The following MICAL3 variants were observed in gnomAD, a reference collection of about 807,000 sequenced individuals.
The protein encoded by MICAL3 is [F-actin]-monooxygenase MICAL3.
Under a neutral mutation model 207.4 loss-of-function variants are expected in MICAL3, and 62 were observed. The observed-to-expected ratio is 0.30, with a 90% confidence interval of 0.24 to 0.37. The LOEUF is 0.37. Among genes scored for constraint, MICAL3 ranks in the 10% least tolerant of loss-of-function variants. MICAL3 has a pLI of 1.00. For synonymous variants in MICAL3, 1,077 were observed against 1,069.3 expected (o/e 1.01, Z -0.14); for missense variants, 2,368 against 2,635.6 (o/e 0.90, Z 2.22).
chr22:17,998,654 C>T (rs73392443), intron 1 of MICAL3, among the ~76,000 whole-genome samples: 6,866 of 151,558 alleles, frequency 0.045, 502 homozygotes, highest in African/African-American at 0.16. Flanking sequence ...CTCCCAATTC[C>T]CGGTTAAGCA....
chr22:17,895,420 C>A lies in MICAL3; in HGVS notation c.1323-10G>T. 2 of 1,613,352 alleles carry A rather than the reference C, an allele frequency of 1.2e-6. No individual in the cohort carries two copies. The highest frequency in any genetic ancestry group is 1.7e-6 in the Non-Finnish European group (2 of 1,179,552). ...CCTGTAAATACTTTCCCTGCAATAA[C>A]ACAACAATATACTCAGAATCGGGAC... On this transcript the variant is annotated splice_polypyrimidine_tract_variant and intron_variant, in intron 9 of 31. Transcript: ENST00000441493.
chr22:18,022,930 T>C (rs1414860107), intron 1 of MICAL3, among the ~76,000 whole-genome samples: 1 of 152,186 alleles, frequency 6.6e-6, no homozygotes. Flanking sequence ...CTTCATTTAG[T>C]GAAGGGACCT....
At chr22:17,825,599 C>CAG (rs1191407821) in intron 22 of MICAL3, among the ~76,000 whole-genome samples, 1 of 152,202 alleles carries the variant, frequency 6.6e-6, no homozygotes, top group African/African-American at 2.4e-5. Flanking sequence ...GACACAGGGA[C>CAG]AGGCTGCTGA....
At chr22:17,976,589 A>ATTTTTTTT (rs1195101695) in intron 1 of MICAL3, among the ~76,000 whole-genome samples, 2 of 67,108 alleles carry the variant, frequency 3.0e-5, no homozygotes, top group African/African-American at 6.5e-5. Context: ...ATATATATAT[A>ATTTTTTTT]TTTTTTTTTT....
chr22:18,019,417 G>A (rs1924285591), intron 1 of MICAL3: 1 of 153,298 alleles, frequency 6.5e-6, no homozygotes, highest in Non-Finnish European at 1.5e-5. Flanking sequence ...TGATCAGATC[G>A]AGCGCAGTGT....
chr22:17,871,773 G>A, intron 17 of MICAL3, 64 bp downstream of exon 17: 2 of 1,475,240 alleles, frequency 1.4e-6, no homozygotes, highest in Non-Finnish European at 1.8e-6. Context: ...AAGGCGCCCA[G>A]CTCAGATGGA....
At chr22:17,810,859 T>A in intron 27 of MICAL3, 46 bp from the exon 28 acceptor site, 1 of 1,516,312 alleles carries the variant, frequency 6.6e-7, no homozygotes, top group Non-Finnish European at 9.2e-7. Context: ...CACGGAGGCC[T>A]GGGACAGGGG....
In MICAL3 at chr22:17,808,872, A is replaced by T. The variant is rs1304118918; in HGVS notation, c.5622T>A (p.Ala1874=). Residue 1874 remains alanine, a synonymous_variant, in exon 29 of 32, where the codon GCT becomes GCA. Coordinates refer to ENST00000441493, the MANE Select transcript of MICAL3 (RefSeq NM_015241.3). ...CTTCGCCCCGGAGCGCCTTCTCCAC[A>T]GCCACGCCCCTTTCCTCCAGCCGCC... ...RQRRLEERGV[A]VEKALRGEAG... is the part of the protein sequence containing the mutation. 3 of 1,553,172 alleles carry T rather than the reference A, an allele frequency of 1.9e-6. No individual in the cohort carries two copies. The South Asian group carries it at 3.6e-5, about 18-fold the overall frequency.
At chr22:17,873,921 C>T (rs985268693) in intron 16 of MICAL3, among the ~76,000 whole-genome samples, 3 of 152,244 alleles carry the variant, frequency 2.0e-5, no homozygotes, top group South Asian at 2.1e-4. Flanking sequence ...GGGCTCCCTG[C>T]CCCCTGGGGG....
intron 28 of MICAL3, among the ~76,000 whole-genome samples, chr22:17,809,757 C>T (rs2062023997): frequency 6.6e-6 from 1 of 152,258 alleles, no homozygotes. Flanking sequence ...ACAAAAATCC[C>T]AGGCCTATCA....
intron 20 of MICAL3, among the ~76,000 whole-genome samples, chr22:17,839,257 C>CTTTTTTTTTT (rs1569088578): frequency 1.1e-5 from 1 of 88,052 alleles, no homozygotes; most frequent in Non-Finnish European, 2.2e-5. Flanking sequence ...CCGGGCTCTT[C>CTTTTTTTTTT]ATTTTTTTTT....
intron 1 of MICAL3, among the ~76,000 whole-genome samples, chr22:17,926,934 T>C (rs572203718): frequency 2.0e-5 from 3 of 151,592 alleles, no homozygotes; most frequent in African/African-American, 7.3e-5. Flanking sequence ...TGTTAAGATA[T>C]ATATAACATA....
chr22:17,954,485 G>T (rs1186200301), intron 1 of MICAL3, among the ~76,000 whole-genome samples: 40 of 152,274 alleles, frequency 2.6e-4, no homozygotes, highest in Admixed American at 2.6e-3. Context: ...GGGAGGGTAG[G>T]GAATGGATCA....
At chr22:17,823,233 G>A (rs1459329160) in intron 22 of MICAL3, among the ~76,000 whole-genome samples, 173 bp from the exon 23 acceptor site, 1 of 152,214 alleles carries the variant, frequency 6.6e-6, no homozygotes, top group African/African-American at 2.4e-5. Flanking sequence ...GGTGCTGGGG[G>A]GGGCCCGGGG....
intron 1 of MICAL3, among the ~76,000 whole-genome samples, chr22:17,934,873 T>A (rs932059234): frequency 6.6e-6 from 1 of 151,044 alleles, no homozygotes; most frequent in African/African-American, 2.4e-5. Context: ...TACAAAGAGA[T>A]TAAAATACCT....
At chr22:17,987,258 C>T (rs1921127000) in intron 1 of MICAL3, among the ~76,000 whole-genome samples, 1 of 152,068 alleles carries the variant, frequency 6.6e-6, no homozygotes. Flanking sequence ...GAAAAAGAAA[C>T]AAGAATAATC....
At chr22:17,890,751 G>A (rs575182202) in intron 12 of MICAL3, among the ~76,000 whole-genome samples, 1 of 152,274 alleles carries the variant, frequency 6.6e-6, no homozygotes, top group East Asian at 1.9e-4. Context: ...TGATGAAAAG[G>A]ACAGGAAACC....
intron 1 of MICAL3, among the ~76,000 whole-genome samples, chr22:17,986,078 T>C (rs1920991318): frequency 6.6e-6 from 1 of 152,202 alleles, no homozygotes; most frequent in South Asian, 2.1e-4. Context: ...AGCTAATTTT[T>C]GTATTTTTAG....
rs1319395419 is a variant in MICAL3, at chr22:17,790,724, G to A, written c.*8C>T. On this transcript the variant is annotated 3_prime_UTR_variant, in exon 32 of 32. Coordinates refer to ENST00000441493, the MANE Select transcript of MICAL3 (RefSeq NM_015241.3). ...ATGCCAACAGAAAATGGAGCGTTGG[G>A]TGGGAGCTCAGGACCAGTTAAGGCT... The A allele has an allele frequency of 6.3e-6, 10 of 1,585,902 alleles. No homozygotes were observed. Among genetic ancestry groups the A allele is most frequent in the Non-Finnish European group, 7.7e-6 (9 of 1,165,368 alleles).
Sources: gnomAD v4.1 joint callset for allele counts (sites outside exome capture counted in the v4.1 genomes callset) on GRCh38, gnomAD v4.1.1 for gene constraint, MANE v1.5 for transcripts, NCBI Gene and HGNC (gene_info 2026-07-23, HGNC 2026-07-21) for gene names.